OSBPL9: variants seen among roughly 807,000 people sequenced by gnomAD.
The protein encoded by OSBPL9 is oxysterol-binding protein-related protein 9.
OSBPL9 carries 40 observed loss-of-function variants against 106.6 expected under a neutral mutation model. That is an observed-to-expected ratio of 0.38 (90% CI 0.29 to 0.49). The LOEUF (loss-of-function observed/expected upper bound fraction) is 0.49. Ranked by LOEUF, OSBPL9 falls within the 20% of genes least tolerant of loss-of-function variation. The pLI is 0.97. For synonymous variants in OSBPL9, 269 were observed against 295.4 expected (o/e 0.91, Z 0.92); for missense variants, 609 against 887.2 (o/e 0.69, Z 3.98).
intron 1 of OSBPL9, among the ~76,000 whole-genome samples, chr1:51,637,229 C>T (rs575291835): frequency 9.9e-5 from 15 of 152,258 alleles, no homozygotes; most frequent in East Asian, 3.9e-4. Context: ...TGTTGGCTCA[C>T]GCCTGTAATC....
At chr1:51,772,978 A>G (rs1674269932) in intron 14 of OSBPL9, among the ~76,000 whole-genome samples, 1 of 152,204 alleles carries the variant, frequency 6.6e-6, no homozygotes, top group South Asian at 2.1e-4. Flanking sequence ...TCTTAGGGTC[A>G]GAGGATCTGT....
chr1:51,698,244 G>T (rs1656487775), intron 3 of OSBPL9, among the ~76,000 whole-genome samples: 1 of 152,122 alleles, frequency 6.6e-6, no homozygotes, highest in African/African-American at 2.4e-5. Flanking sequence ...TGCAGCTTAA[G>T]AGATACTAAA....
chr1:51,632,622 AAAG>A (rs1645177425), intron 1 of OSBPL9, among the ~76,000 whole-genome samples: 1 of 117,226 alleles, frequency 8.5e-6, no homozygotes, highest in South Asian at 2.4e-4. Context: ...TAGGTTAAGC[AAAG>A]ACTCTTCCTC....
intron 4 of OSBPL9, chr1:51,740,270 G>A: frequency 7.0e-7 from 1 of 1,426,762 alleles, no homozygotes; most frequent in Non-Finnish European, 9.2e-7. Context: ...AAGCTTATCT[G>A]TGATGCATGT....
the OSBPL9 span, among the ~76,000 whole-genome samples, chr1:51,568,783 G>T: frequency 6.6e-6 from 1 of 152,178 alleles, no homozygotes; most frequent in African/African-American, 2.4e-5. Context: ...AGGCTAGAGT[G>T]CAGTGGTGCA....
chr1:51,581,373 G>T (rs1191162810), intron 1 of OSBPL9, among the ~76,000 whole-genome samples: 3 of 152,142 alleles, frequency 2.0e-5, no homozygotes, highest in Non-Finnish European at 2.9e-5. Flanking sequence ...ATCACTGATG[G>T]TGTTAACACC....
the OSBPL9 span, chr1:51,519,134 A>C: frequency 1.7e-6 from 2 of 1,182,492 alleles, no homozygotes; most frequent in Non-Finnish European, 2.3e-6. Flanking sequence ...AAGTCGGCGA[A>C]GCTGAGGGCG....
chr1:51,597,409 G>GTATA (rs374626875), intron 1 of OSBPL9, among the ~76,000 whole-genome samples: 23,034 of 135,588 alleles, frequency 0.17, 2,114 homozygotes, highest in Middle Eastern at 0.31. Context: ...ATATATGTGT[G>GTATA]TATATATATA....
chr1:51,686,410 A>T (rs1653813743), intron 3 of OSBPL9, among the ~76,000 whole-genome samples: 1 of 151,946 alleles, frequency 6.6e-6, no homozygotes, highest in East Asian at 1.9e-4. Flanking sequence ...TCTTGGCTAT[A>T]CTCATGTCTG....
intron 17 of OSBPL9, 28 bp downstream of exon 17, chr1:51,782,671 G>C (rs2149148490): frequency 6.2e-7 from 1 of 1,600,230 alleles, no homozygotes; most frequent in Non-Finnish European, 8.6e-7. Flanking sequence ...TCTGCAACCT[G>C]TGCTCTCAAA....
At chr1:51,750,065 G>T in intron 7 of OSBPL9, 80 bp from the exon 8 acceptor site, 1 of 1,042,152 alleles carries the variant, frequency 9.6e-7, no homozygotes, top group South Asian at 1.5e-5. Context: ...CATCTGAACT[G>T]ATTTTTATAT....
chr1:51,629,696 C>G (rs1031441469), intron 1 of OSBPL9, among the ~76,000 whole-genome samples: 1 of 152,072 alleles, frequency 6.6e-6, no homozygotes, highest in Non-Finnish European at 1.5e-5. Flanking sequence ...TGCCTGTAAT[C>G]CCAGTGCTTT....
At chr1:51,784,705 A>C in intron 20 of OSBPL9, 123 bp downstream of exon 20, 2 of 1,153,214 alleles carry the variant, frequency 1.7e-6, no homozygotes, top group South Asian at 1.5e-5. Flanking sequence ...CGTGTTTCAC[A>C]TTTTATGTGT....
intron 7 of OSBPL9, chr1:51,749,703 G>A: frequency 5.1e-6 from 1 of 195,310 alleles, no homozygotes; most frequent in Middle Eastern, 4.9e-4. Context: ...TGTTTGAAGT[G>A]TTGAAAAACC....
At chr1:51,616,913 C>A, upstream of OSBPL9, 1 of 913,994 alleles carries the variant, frequency 1.1e-6, no homozygotes, top group Non-Finnish European at 1.6e-6. Flanking sequence ...CGTTTGCATT[C>A]TCGCATCCGT....
intron 1 of OSBPL9, among the ~76,000 whole-genome samples, chr1:51,590,877 G>A (rs1314439047): frequency 6.6e-6 from 1 of 150,670 alleles, no homozygotes; most frequent in East Asian, 2.0e-4. Flanking sequence ...AGCCTCCCAG[G>A]TAGCTGGGAC....
At chr1:51,752,937 C>A (rs535306620) in intron 8 of OSBPL9, among the ~76,000 whole-genome samples, 1 of 152,258 alleles carries the variant, frequency 6.6e-6, no homozygotes, top group East Asian at 1.9e-4. Context: ...CACAAACATT[C>A]AGTCCATAAC....
At chr1:51,522,108 T>C in the OSBPL9 span, among the ~76,000 whole-genome samples, 1 of 152,232 alleles carries the variant, frequency 6.6e-6, no homozygotes, top group South Asian at 2.1e-4. Flanking sequence ...TATAAAAGTT[T>C]GTTGAATTGA....
At chr1:51,768,904 A>ACCCACTCTGTGTTCCTTTTCT (rs1430731690) in intron 12 of OSBPL9, among the ~76,000 whole-genome samples, 1 of 151,966 alleles carries the variant, frequency 6.6e-6, no homozygotes, top group African/African-American at 2.4e-5. Flanking sequence ...TGTCCAACTA[A>ACCCACTCTGTGTTCCTTTTCT]CCCACTCTGT....
Sources: allele counts gnomAD v4.1 joint callset (sites outside exome capture counted in the v4.1 genomes callset), GRCh38; gene constraint gnomAD v4.1.1; transcripts MANE v1.5; gene names NCBI Gene and HGNC (gene_info 2026-07-23, HGNC 2026-07-21).